ZNF804B: variants seen among roughly 807,000 people sequenced by gnomAD.
ZNF804B encodes zinc finger 804B.
Under a neutral mutation model 101.4 loss-of-function variants are expected in ZNF804B, and 80 were observed. The observed-to-expected ratio is 0.79, with a 90% CI of 0.66 to 0.95. The LOEUF is 0.95. Among genes scored for constraint, ZNF804B ranks in the 40% least tolerant of loss-of-function variants. The pLI, the probability that ZNF804B is intolerant of heterozygous loss-of-function variation, is 0.00. For missense variants in ZNF804B, 1,673 were observed against 1,561.9 expected, an observed-to-expected ratio of 1.07 and a Z score of -1.20; for synonymous variants, 622 against 558.8, an observed-to-expected ratio of 1.11 and a Z score of -1.59.
intron 1 of ZNF804B, among the ~76,000 whole-genome samples, chr7:89,011,013 G>C (rs1788452461): frequency 6.6e-6 from 1 of 152,152 alleles, no homozygotes; most frequent in Non-Finnish European, 1.5e-5. Flanking sequence ...ACCAGAGACT[G>C]GGTAATTTGT....
chr7:89,102,146 A>G (rs1245838043), intron 1 of ZNF804B, among the ~76,000 whole-genome samples: 1 of 151,962 alleles, frequency 6.6e-6, no homozygotes, highest in Non-Finnish European at 1.5e-5. Flanking sequence ...ATGTGAATGC[A>G]GGTGTCGGTT....
intron 1 of ZNF804B, among the ~76,000 whole-genome samples, chr7:89,169,646 G>A (rs935162223): frequency 5.9e-5 from 9 of 152,078 alleles, no homozygotes; most frequent in Non-Finnish European, 8.8e-5. Context: ...TACATAATTC[G>A]ATAATATCTA....
chr7:89,111,537 CTGTT>C (rs1260322526), intron 1 of ZNF804B, among the ~76,000 whole-genome samples: 1 of 152,076 alleles, frequency 6.6e-6, no homozygotes, highest in East Asian at 1.9e-4. Context: ...AGTGAGTTGT[CTGTT>C]GAGAGTTTTT....
At chr7:88,797,482 C>T (rs1224505091) in intron 1 of ZNF804B, among the ~76,000 whole-genome samples, 1 of 152,156 alleles carries the variant, frequency 6.6e-6, no homozygotes, top group African/African-American at 2.4e-5. Context: ...CCTCTGCCTT[C>T]ACCACATCCA....
At chr7:89,306,681 A>G (rs1194631543) in intron 2 of ZNF804B, among the ~76,000 whole-genome samples, 1 of 152,032 alleles carries the variant, frequency 6.6e-6, no homozygotes, top group Non-Finnish European at 1.5e-5. Context: ...TGTTAACTTA[A>G]GCTAATTTTA....
intron 1 of ZNF804B, among the ~76,000 whole-genome samples, chr7:88,965,676 A>G (rs1416309098): frequency 6.6e-6 from 1 of 151,510 alleles, no homozygotes; most frequent in South Asian, 2.1e-4. Flanking sequence ...GCACTCTACA[A>G]TTCCCTAAGT....
chr7:88,889,877 A>G (rs1792190725), intron 1 of ZNF804B, among the ~76,000 whole-genome samples: 3 of 152,070 alleles, frequency 2.0e-5, no homozygotes, highest in African/African-American at 4.8e-5. Flanking sequence ...AGTGTTTCCT[A>G]GCTTTTCTTC....
intron 1 of ZNF804B, among the ~76,000 whole-genome samples, chr7:89,067,227 A>G (rs1057367906): frequency 4.6e-5 from 7 of 152,148 alleles, no homozygotes; most frequent in African/African-American, 1.7e-4. Context: ...TCTGAAATCA[A>G]CAGGGCAGGT....
At chr7:88,885,591 A>G (rs764780617) in intron 1 of ZNF804B, among the ~76,000 whole-genome samples, 7 of 150,610 alleles carry the variant, frequency 4.6e-5, no homozygotes, top group Non-Finnish European at 1.0e-4. Flanking sequence ...AACAACTATA[A>G]GCAATTACAA....
chr7:88,830,518 A>G (rs1038991148), intron 1 of ZNF804B, among the ~76,000 whole-genome samples: 2 of 152,128 alleles, frequency 1.3e-5, no homozygotes, highest in Middle Eastern at 3.4e-3. Context: ...AAATGTTAAC[A>G]CACCCTTACA....
In ZNF804B at chr7:89,336,408, T is replaced by G. The variant is rs745951732; in HGVS notation, c.3426T>G (p.Pro1142=). ...TGTGTCATAAATCTATCTCTCCCCCTTTAATTCAACAGCCCATAACATTTT... is the reference window on the plus strand; with the variant it reads ...TGTGTCATAAATCTATCTCTCCCCCGTTAATTCAACAGCCCATAACATTTT... ...LEMCHKSISP[P]LIQQPITFSP... Residue 1142 remains proline (P), a synonymous_variant, in exon 4 of 4, where the codon CCT becomes CCG. Transcript: ENST00000333190. The G allele has an allele frequency of 1.9e-6, 3 of 1,614,116 alleles. No homozygotes were observed. The South Asian group carries it at 3.3e-5, about 18-fold the overall frequency.
At chr7:89,316,159 T>A (rs1790723511) in intron 2 of ZNF804B, among the ~76,000 whole-genome samples, 2 of 152,146 alleles carry the variant, frequency 1.3e-5, no homozygotes. Flanking sequence ...CAAAGGTGGT[T>A]CTGGATAGGG....
At chr7:88,872,478 T>C (rs1441137702) in intron 1 of ZNF804B, among the ~76,000 whole-genome samples, 1 of 152,080 alleles carries the variant, frequency 6.6e-6, no homozygotes, top group Non-Finnish European at 1.5e-5. Context: ...TTTTATTTAT[T>C]ATTATTATAC....
At chr7:88,927,177 T>C (rs1359235075) in intron 1 of ZNF804B, among the ~76,000 whole-genome samples, 1 of 152,156 alleles carries the variant, frequency 6.6e-6, no homozygotes, top group South Asian at 2.1e-4. Flanking sequence ...CAGAGGAGAC[T>C]TTCAAAGTGG....
intron 1 of ZNF804B, chr7:88,794,592 A>G (rs1228550646): frequency 1.2e-6 from 2 of 1,612,532 alleles, no homozygotes; most frequent in Non-Finnish European, 1.7e-6. Flanking sequence ...CATCTTTGAC[A>G]TGGCCAATAT....
At chr7:89,280,226 A>G (rs1452123303) in intron 2 of ZNF804B, among the ~76,000 whole-genome samples, 3 of 151,988 alleles carry the variant, frequency 2.0e-5, no homozygotes, top group African/African-American at 7.3e-5. Context: ...CAAAGACACA[A>G]CATACCAGAA....
At chr7:89,014,240 A>G (rs1056577865) in intron 1 of ZNF804B, among the ~76,000 whole-genome samples, 1 of 152,106 alleles carries the variant, frequency 6.6e-6, no homozygotes, top group Non-Finnish European at 1.5e-5. Flanking sequence ...GATAATAGCC[A>G]TTCTAACTGT....
At chr7:88,769,789 C>A (rs1790035598) in intron 1 of ZNF804B, among the ~76,000 whole-genome samples, 1 of 152,178 alleles carries the variant, frequency 6.6e-6, no homozygotes, top group Admixed American at 6.5e-5. Context: ...TGTTAAGAAT[C>A]TCCAATTGCC....
chr7:88,978,529 C>A (rs1332855326), intron 1 of ZNF804B, among the ~76,000 whole-genome samples: 1 of 151,562 alleles, frequency 6.6e-6, no homozygotes, highest in Non-Finnish European at 1.5e-5. Flanking sequence ...TCTACTACTG[C>A]TCTCTTTTTG....
Sources: allele counts gnomAD v4.1 joint callset (sites outside exome capture counted in the v4.1 genomes callset), GRCh38; gene constraint gnomAD v4.1.1; transcripts MANE v1.5; gene names NCBI Gene and HGNC (gene_info 2026-07-23, HGNC 2026-07-21).